The following WDFY4 variants were observed in gnomAD, a reference collection of about 807,000 sequenced individuals.
WDFY4 encodes the protein WDFY family member 4.
A neutral mutation model predicts 351.9 loss-of-function variants in WDFY4; 169 were observed. The ratio of observed to expected loss-of-function variants is 0.48; its 90% CI spans 0.42 to 0.55. The LOEUF (loss-of-function observed/expected upper bound fraction) is 0.55. WDFY4 is among the 20% of genes least tolerant of loss of function. The probability of loss-of-function intolerance (pLI) is 0.00; values close to 1 mark genes in which losing one functional copy is unlikely to be tolerated. For missense variants in WDFY4, 3,803 were observed against 3,935.6 expected (o/e 0.97, Z 0.90); for synonymous variants, 1,622 against 1,574.6 (o/e 1.03, Z -0.71).
At chr10:48,934,735 G>A (rs765490808) in intron 47 of WDFY4, among the ~76,000 whole-genome samples, 11 of 152,232 alleles carry the variant, frequency 7.2e-5, no homozygotes, top group Non-Finnish European at 1.6e-4. Context: ...GAACGAAGAA[G>A]CAGTCACAGC....
chr10:48,925,306 A>G (rs972975777), intron 47 of WDFY4, among the ~76,000 whole-genome samples: 2 of 152,080 alleles, frequency 1.3e-5, no homozygotes, highest in Non-Finnish European at 2.9e-5. Flanking sequence ...GCGGGGCTGT[A>G]TCTTCACAGA....
In WDFY4 at chr10:48,792,956, G is replaced by A. The variant is rs558201729; in HGVS notation, c.4257+2039G>A. Among the ~76,000 whole-genome samples the A allele has an allele frequency of 1.4e-4, 21 of 152,264 alleles. No homozygotes were observed. The South Asian group carries it at 4.4e-3, about 32-fold the overall frequency. On this transcript the variant is annotated intron_variant, in intron 23 of 61. Coordinates refer to ENST00000325239, the MANE Select transcript of WDFY4 (RefSeq NM_001394531.1). ...GAGAGGAGGAACTATCTACCACAGA[G>A]GTACATAGCGCCTGCTGTCACATGT...
chr10:48,867,853 C>A (rs956272139), intron 40 of WDFY4, among the ~76,000 whole-genome samples: 5 of 152,086 alleles, frequency 3.3e-5, no homozygotes, highest in Non-Finnish European at 4.4e-5. Context: ...AGTCTTAAAA[C>A]CCTGTTGAAT....
At chr10:48,742,861 A>G in intron 11 of WDFY4, 107 bp from the exon 12 acceptor site, 1 of 1,015,552 alleles carries the variant, frequency 9.8e-7, no homozygotes, top group Non-Finnish European at 1.4e-6. Flanking sequence ...TGTTGGCCTG[A>G]AGTCGTTGAG....
At chr10:48,808,075 C>A (rs560281319) in intron 28 of WDFY4, 117 bp downstream of exon 28, 60 of 804,080 alleles carry the variant, frequency 7.5e-5, no homozygotes, top group Non-Finnish European at 1.0e-4. Context: ...CAATGTATTT[C>A]CTGCACTAGT....
intron 12 of WDFY4, among the ~76,000 whole-genome samples, chr10:48,747,546 C>T (rs961357346): frequency 6.6e-6 from 1 of 152,070 alleles, no homozygotes; most frequent in African/African-American, 2.4e-5. Context: ...CTCTTTGTCT[C>T]TCTGTACTCT....
chr10:48,748,923 G>T (rs2132450917), intron 12 of WDFY4, among the ~76,000 whole-genome samples: 1 of 152,366 alleles, frequency 6.6e-6, no homozygotes, highest in African/African-American at 2.4e-5. Context: ...AGGAGGGAAA[G>T]AGGCCGTGGG....
intron 39 of WDFY4, among the ~76,000 whole-genome samples, chr10:48,835,272 G>T (rs877821): frequency 1.8e-4 from 27 of 152,164 alleles, no homozygotes; most frequent in African/African-American, 4.8e-4. Context: ...AGGCAGGGAG[G>T]GGGGCGAGAG....
At chr10:48,849,280 C>T (rs7094742) in intron 39 of WDFY4, among the ~76,000 whole-genome samples, 44,745 of 152,052 alleles carry the variant, frequency 0.29, 7,490 homozygotes, top group East Asian at 0.71. Context: ...AAGTTGTCAG[C>T]AATACTCAAC....
intron 47 of WDFY4, among the ~76,000 whole-genome samples, chr10:48,917,291 A>G (rs1341352511): frequency 6.6e-6 from 1 of 152,222 alleles, no homozygotes; most frequent in East Asian, 1.9e-4. Flanking sequence ...TTACACCTGT[A>G]TCTCAGAAAG....
At position 48,943,377 on chromosome 10, in the gene WDFY4, G is replaced by A. The variant is rs575167256; in HGVS notation, c.7677G>A (p.Ala2559=). Residue 2559 remains alanine (A), a synonymous_variant, in exon 49 of 62, where the codon GCG becomes GCA. Coordinates refer to ENST00000325239, the MANE Select transcript of WDFY4 (RefSeq NM_001394531.1). ...AGTATCTCATGTACCTCAACACCGC[G>A]GCTGGGAGAACCTGCAATGACTACA... ...NFEYLMYLNT[A]AGRTCNDYMQ... The A allele has an allele frequency of 1.1e-4, 168 of 1,551,756 alleles. No individual in the cohort carries two copies. The highest frequency in any genetic ancestry group is 7.9e-4 in the African/African-American group (58 of 73,156).
intron 13 of WDFY4, 109 bp from the exon 14 acceptor site, chr10:48,774,349 C>A (rs56121759): frequency 8.9e-7 from 1 of 1,118,250 alleles, no homozygotes; most frequent in Non-Finnish European, 1.3e-6. Context: ...GTATGGTGGG[C>A]GCAGTCTCCT....
intron 23 of WDFY4, among the ~76,000 whole-genome samples, chr10:48,795,610 A>G (rs965809125): frequency 6.6e-6 from 1 of 150,906 alleles, no homozygotes; most frequent in Non-Finnish European, 1.5e-5. Flanking sequence ...GCACGTTGCA[A>G]GAACATGTCT....
chr10:48,761,561 G>T (rs1447221344), intron 13 of WDFY4, among the ~76,000 whole-genome samples: 1 of 152,226 alleles, frequency 6.6e-6, no homozygotes, highest in African/African-American at 2.4e-5. Flanking sequence ...ACAGGTAATG[G>T]AGAGACAAAG....
At chr10:48,771,350 G>A (rs74690843) in intron 13 of WDFY4, among the ~76,000 whole-genome samples, 4,561 of 152,284 alleles carry the variant, frequency 0.03, 100 homozygotes, top group Middle Eastern at 0.095. Flanking sequence ...GTGGAGAGGA[G>A]ATGGTGGAAT....
At chr10:48,979,500 C>CCTA in intron 60 of WDFY4, among the ~76,000 whole-genome samples, 1 of 152,018 alleles carries the variant, frequency 6.6e-6, no homozygotes, top group East Asian at 1.9e-4. Flanking sequence ...ATTAGCTAAG[C>CCTA]CTACGGTTGA....
chr10:48,754,342 T>G (rs984088883), intron 12 of WDFY4, among the ~76,000 whole-genome samples: 5 of 151,992 alleles, frequency 3.3e-5, no homozygotes, highest in South Asian at 2.1e-4. Context: ...TCAGGGCTTT[T>G]GCAATGGCTC....
chr10:48,789,775 C>G, intron 21 of WDFY4, 99 bp from the exon 22 acceptor site: 1 of 1,091,176 alleles, frequency 9.2e-7, no homozygotes, highest in Non-Finnish European at 1.4e-6. Flanking sequence ...AGTGTCAGCA[C>G]TGGGCCAGGC....
At chr10:48,956,559 C>T (rs929913212) in intron 51 of WDFY4, among the ~76,000 whole-genome samples, 1 of 152,188 alleles carries the variant, frequency 6.6e-6, no homozygotes, top group African/African-American at 2.4e-5. Flanking sequence ...TGCTGCTCAC[C>T]CAAGCCTTGT....
Sources: allele counts gnomAD v4.1 joint callset (sites outside exome capture counted in the v4.1 genomes callset), GRCh38; gene constraint gnomAD v4.1.1; transcripts MANE v1.5; gene names NCBI Gene and HGNC (gene_info 2026-07-23, HGNC 2026-07-21).